The following AHCY variants were observed in gnomAD, a reference collection of about 807,000 sequenced individuals.
AHCY encodes the protein adenosylhomocysteinase, also known as S-adenosyl-L-homocysteine hydrolase.
Under a neutral mutation model 45.4 loss-of-function variants are expected in AHCY, and 24 were observed. The ratio of observed to expected loss-of-function variants is 0.53; its 90% CI spans 0.38 to 0.74. AHCY has a LOEUF of 0.74. Ranked by LOEUF, AHCY falls within the 30% of genes least tolerant of loss-of-function variation. The pLI, the probability that AHCY is intolerant of heterozygous loss-of-function variation, is 0.00. For synonymous variants in AHCY, 245 were observed against 235.1 expected (o/e 1.04, Z -0.39); for missense variants, 449 against 594.1 (o/e 0.76, Z 2.54).
the AHCY span, among the ~76,000 whole-genome samples, chr20:34,267,772 C>T: frequency 6.6e-6 from 1 of 151,846 alleles, no homozygotes; most frequent in African/African-American, 2.4e-5. Context: ...CTCAGGTGAT[C>T]CGCCTGCCTA....
At chr20:34,258,688 T>TATATATATATATATATATATAC in the AHCY span, among the ~76,000 whole-genome samples, 5 of 66,558 alleles carry the variant, frequency 7.5e-5, no homozygotes, top group Admixed American at 6.2e-4. Flanking sequence ...TATATATATA[T>TATATATATATATATATATATAC]ATACATACTA....
intron 1 of AHCY, chr20:34,302,734 G>T: frequency 6.1e-6 from 6 of 989,618 alleles, no homozygotes; most frequent in Non-Finnish European, 4.8e-6. Flanking sequence ...CTGGCCCAAA[G>T]TCCCAGGGGA....
the AHCY span, chr20:34,246,137 G>C: frequency 2.1e-6 from 2 of 962,274 alleles, no homozygotes; most frequent in Non-Finnish European, 3.3e-6. Context: ...AATTTCAAAA[G>C]TTGCAAGGCC....
the AHCY span, among the ~76,000 whole-genome samples, chr20:34,271,304 T>G: frequency 2.2e-4 from 34 of 152,146 alleles, no homozygotes; most frequent in African/African-American, 7.5e-4. Flanking sequence ...CCTGGGCCTC[T>G]CAAAACTCTG....
chr20:34,290,386 G>C lies in AHCY; in HGVS notation c.918C>G (p.Ile306Met), dbSNP rs146829385. ...VCNIGHFDVE[I>M]DVKWLNENAV... ...CGTTCTCGTTGAGCCACTTGACATC[G>C]ATCTCCACGTCAAAGTGTCCAATGT... Residue 306 changes from isoleucine (I) to methionine (M), a missense_variant, in exon 8 of 10, where the codon ATC (isoleucine) becomes ATG (methionine). Transcript: ENST00000217426. This position sits in a 1 kb window ranked among gnomAD's most constrained non-coding sequence, Gnocchi z 4.5. 7 of 1,614,030 alleles carry C rather than the reference G, an allele frequency of 4.3e-6. No individual in the cohort carries two copies. The African/African-American group carries it at 9.3e-5, about 22-fold the overall frequency.
the AHCY span, among the ~76,000 whole-genome samples, chr20:34,236,057 GGAGA>G: frequency 7.5e-6 from 1 of 132,942 alleles, no homozygotes; most frequent in Admixed American, 8.1e-5. Context: ...AAGGAAGGAA[GGAGA>G]GAGAGAAAGA....
intron 4 of AHCY, 84 bp downstream of exon 4, chr20:34,292,274 C>T: frequency 1.3e-6 from 2 of 1,505,208 alleles, no homozygotes; most frequent in Non-Finnish European, 1.8e-6. Context: ...TGATGGGAGT[C>T]CTGCCAGGCC....
At chr20:34,238,178 T>C in the AHCY span, among the ~76,000 whole-genome samples, 1 of 152,186 alleles carries the variant, frequency 6.6e-6, no homozygotes, top group Non-Finnish European at 1.5e-5. Context: ...GATGTTTATA[T>C]TCATATCTTT....
At chr20:34,257,558 G>A in the AHCY span, among the ~76,000 whole-genome samples, 1 of 152,044 alleles carries the variant, frequency 6.6e-6, no homozygotes, top group Non-Finnish European at 1.5e-5. Flanking sequence ...TTAATTTTAT[G>A]TAACTAAAAT....
chr20:34,290,916 C>G lies in AHCY; in HGVS notation c.581G>C (p.Gly194Ala). ...GCCATCTATGAGGGACTCCCGGCAG[C>G]CATAGAGGTTGTCAAACTTGCTCTG... ...VTKSKFDNLY[G>A]CRESLIDGIK... is the part of the protein sequence containing the mutation. Residue 194 changes from glycine to alanine, a missense_variant, in exon 6 of 10, where the codon GGC (glycine) becomes GCC (alanine). Transcript: ENST00000217426. This position sits in a 1 kb window ranked among gnomAD's most constrained non-coding sequence, Gnocchi z 4.5. 6.2e-7 allele frequency: 1 copy of G among 1,614,140 alleles called. No homozygotes were observed. The highest frequency in any genetic ancestry group is 8.5e-7 in the Non-Finnish European group (1 of 1,180,018).
the AHCY span, among the ~76,000 whole-genome samples, chr20:34,257,942 G>A: frequency 6.6e-6 from 1 of 152,284 alleles, no homozygotes; most frequent in Admixed American, 6.5e-5. Context: ...TCAGGAGTTT[G>A]AGATCAGCTT....
At chr20:34,269,193 G>C in the AHCY span, 1 of 1,474,268 alleles carries the variant, frequency 6.8e-7, no homozygotes, top group South Asian at 1.3e-5. Flanking sequence ...GCCGCGAGCA[G>C]GCAGGGCTTC....
At chr20:34,292,070 G>A (rs1002904542) in intron 4 of AHCY, among the ~76,000 whole-genome samples, 1 of 152,160 alleles carries the variant, frequency 6.6e-6, no homozygotes, top group Non-Finnish European at 1.5e-5. Flanking sequence ...CCTGCCTCAG[G>A]GCCTCTGCAC....
chr20:34,269,163 G>A, the AHCY span: 1 of 1,526,390 alleles, frequency 6.6e-7, no homozygotes, highest in Non-Finnish European at 8.8e-7. Context: ...AGCCTCAACT[G>A]CTGAGCGCCC....
At chr20:34,286,834 C>CAA (rs71194603) in intron 8 of AHCY, among the ~76,000 whole-genome samples, 63 of 53,628 alleles carry the variant, frequency 1.2e-3, no homozygotes, top group African/African-American at 2.5e-3. Context: ...AACTCCGTCT[C>CAA]AAAAAAAAAA....
the AHCY span, chr20:34,241,585 G>C: frequency 1.0e-6 from 1 of 967,358 alleles, no homozygotes; most frequent in Non-Finnish European, 1.2e-6. Flanking sequence ...TCCTTTCTTG[G>C]AAAGTTAAAC....
chr20:34,281,237 T>G (rs557122361), intron 9 of AHCY, 72 bp from the exon 10 acceptor site: 3 of 1,596,954 alleles, frequency 1.9e-6, no homozygotes, highest in East Asian at 2.2e-5. Context: ...TGGCTGCCAA[T>G]AGAGGCAGAA....
At chr20:34,278,956 A>T (rs552593933), downstream of AHCY, among the ~76,000 whole-genome samples, 1 of 151,560 alleles carries the variant, frequency 6.6e-6, no homozygotes, top group East Asian at 2.0e-4. Flanking sequence ...TACAAATACA[A>T]AAATTAGCCA....
At chr20:34,271,617 G>A in the AHCY span, among the ~76,000 whole-genome samples, 1 of 143,580 alleles carries the variant, frequency 7.0e-6, no homozygotes, top group Admixed American at 7.4e-5. Flanking sequence ...CCAGGCTGTA[G>A]TGTAGTGGCG....
Sources: allele counts gnomAD v4.1 joint callset (sites outside exome capture counted in the v4.1 genomes callset), GRCh38; gene constraint gnomAD v4.1.1; non-coding constraint Gnocchi (gnomAD v3.1); transcripts MANE v1.5; gene names NCBI Gene and HGNC (gene_info 2026-07-23, HGNC 2026-07-21).